The following ARHGAP35 variants were observed in gnomAD, a reference collection of about 807,000 sequenced individuals.
The protein encoded by ARHGAP35 is rho GTPase-activating protein 35.
In ARHGAP35, 15 loss-of-function variants were observed where a neutral mutation model predicts 111.1. That is an observed-to-expected ratio of 0.13 (90% confidence interval 0.09 to 0.21). ARHGAP35 has a LOEUF of 0.21. ARHGAP35 is among the 10% of genes least tolerant of loss of function. ARHGAP35 has a pLI of 1.00. For synonymous variants in ARHGAP35, 643 were observed against 710.3 expected (o/e 0.91, Z 1.51); for missense variants, 1,262 against 1,873.0 (o/e 0.67, Z 6.02).
At chr19:46,892,967 A>T (rs1292997018) in intron 1 of ARHGAP35, among the ~76,000 whole-genome samples, 2 of 152,096 alleles carry the variant, frequency 1.3e-5, no homozygotes, top group Non-Finnish European at 2.9e-5. Flanking sequence ...TAGAGTTCTC[A>T]TCAGCTTATA....
At chr19:46,960,382 G>C (rs1024301027) in intron 3 of ARHGAP35, among the ~76,000 whole-genome samples, 3 of 152,168 alleles carry the variant, frequency 2.0e-5, no homozygotes, top group African/African-American at 7.2e-5. Context: ...CATTCAGGCA[G>C]GAAGCTTATG....
At position 47,002,192 on chromosome 19, in the gene ARHGAP35, T is replaced by C. The variant is rs1444546049; in HGVS notation, c.*1504T>C. ...CAGAGGGCCCCATGCCAGACAGCCC[T>C]TGGGGCTCGTTGCACTTTAAGAAAT... On this transcript the variant is annotated 3_prime_UTR_variant, in exon 7 of 7. Transcript: ENST00000672722. The C allele has an allele frequency of 6.5e-6, 1 of 152,712 alleles. No homozygotes were observed. Among genetic ancestry groups the C allele is most frequent in the Admixed American group, 6.5e-5 (1 of 15,286 alleles). The allele number at this position is 152,712 out of a possible 1,614,324, so 9.5% of individuals were successfully genotyped here.
chr19:46,941,073 C>T (rs975102697), intron 3 of ARHGAP35, among the ~76,000 whole-genome samples: 4 of 152,156 alleles, frequency 2.6e-5, no homozygotes, highest in African/African-American at 9.7e-5. Flanking sequence ...TCTCCCACTC[C>T]CTTCTTTCAC....
intron 1 of ARHGAP35, among the ~76,000 whole-genome samples, chr19:46,911,491 A>T (rs1240372242): frequency 1.3e-5 from 2 of 152,210 alleles, no homozygotes; most frequent in Admixed American, 1.3e-4. Context: ...GATTATGGTA[A>T]TACAAAAATG....
rs181238611 is a variant in ARHGAP35, at chr19:46,895,619, A to G, written c.-188-22869A>G. 4.0e-3 allele frequency among the ~76,000 whole-genome samples: 614 copies of G among 152,354 alleles called. 28 individuals carry two copies. The highest frequency in any genetic ancestry group is 0.037 in the Admixed American group (566 of 15,298). ...GAAAGGCGACCATTTCCCATCAATT[A>G]GAAATGGTCTTTATGGTTAACTCTG... is the stretch of plus-strand genomic sequence containing the variant. On this transcript the variant is annotated intron_variant, in intron 1 of 6. Coordinates refer to ENST00000672722, the MANE Select transcript of ARHGAP35 (RefSeq NM_004491.5).
chr19:46,902,302 T>G (rs746768303), intron 1 of ARHGAP35, among the ~76,000 whole-genome samples: 1 of 152,216 alleles, frequency 6.6e-6, no homozygotes, highest in Non-Finnish European at 1.5e-5. Flanking sequence ...GGCATTCTTA[T>G]GGAATGATAC....
chr19:46,928,248 G>A (rs949712827), intron 2 of ARHGAP35, among the ~76,000 whole-genome samples: 1 of 152,078 alleles, frequency 6.6e-6, no homozygotes. Flanking sequence ...ATTACGATAG[G>A]CAACCCAAAT....
intron 3 of ARHGAP35, among the ~76,000 whole-genome samples, chr19:46,956,632 GA>G (rs1361704187): frequency 6.6e-6 from 1 of 152,022 alleles, no homozygotes; most frequent in Non-Finnish European, 1.5e-5. Context: ...TCCAAATTCT[GA>G]AACACTTCTG....
At chr19:46,874,277 A>G (rs1261400903) in intron 1 of ARHGAP35, among the ~76,000 whole-genome samples, 1 of 152,136 alleles carries the variant, frequency 6.6e-6, no homozygotes, top group Non-Finnish European at 1.5e-5. Flanking sequence ...AACAAAAGCA[A>G]TTCTTCCCTT....
At chr19:46,917,477 G>A (rs1047506598) in intron 1 of ARHGAP35, among the ~76,000 whole-genome samples, 9 of 151,952 alleles carry the variant, frequency 5.9e-5, no homozygotes, top group Admixed American at 3.3e-4. Flanking sequence ...GCACGGTGGC[G>A]CATGCCTGTA....
chr19:46,938,029 G>A (rs993428608), intron 3 of ARHGAP35, among the ~76,000 whole-genome samples: 4 of 152,182 alleles, frequency 2.6e-5, no homozygotes, highest in African/African-American at 9.7e-5. Flanking sequence ...TACTTGTGTT[G>A]AAACCATTTG....
chr19:46,975,238 C>G (rs2056573403), intron 3 of ARHGAP35, among the ~76,000 whole-genome samples: 1 of 152,172 alleles, frequency 6.6e-6, no homozygotes, highest in African/African-American at 2.4e-5. Context: ...CTTTGGGGAA[C>G]TCTGTGCTAG....
In ARHGAP35 at chr19:46,922,390, T is replaced by G; in HGVS notation, c.3681+34T>G. On this transcript the variant is annotated intron_variant, in intron 2 of 6. Transcript: ENST00000672722. This position sits in a 1 kb window ranked among gnomAD's most constrained non-coding sequence, Gnocchi z 4.0. ...CCAGTCTAGGATTAGTCATAGTGTT[T>G]TGTACAGCGTCTCGGTGAGGGTTGA... The G allele has an allele frequency of 6.7e-7, 1 of 1,498,194 alleles. No individual in the cohort carries two copies. 92.8% of individuals were successfully genotyped at this position (1,498,194 alleles called of 1,614,324 possible). A position where few individuals can be genotyped will look rare whatever the true frequency, so the allele number is the denominator to read the frequency against.
intron 1 of ARHGAP35, among the ~76,000 whole-genome samples, chr19:46,882,250 C>G (rs927589702): frequency 6.6e-6 from 1 of 151,272 alleles, no homozygotes. Flanking sequence ...CCCCCCACCT[C>G]AACCCCCCCA....
chr19:46,999,049 G>T lies in ARHGAP35; in HGVS notation c.4037-255G>T. ...TCTCCAGATTGTTCTGTCTTGGGTGGTGGGGGCCAGGAAGCCCCAGGCACA... is the reference window on the plus strand; with the variant it reads ...TCTCCAGATTGTTCTGTCTTGGGTGTTGGGGGCCAGGAAGCCCCAGGCACA... On this transcript the variant is annotated intron_variant, in intron 5 of 6. Coordinates refer to ENST00000672722, the MANE Select transcript of ARHGAP35 (RefSeq NM_004491.5). This position sits in a 1 kb window ranked among gnomAD's most constrained non-coding sequence, Gnocchi z 5.4. 2.0e-6 allele frequency: 1 copy of T among 505,580 alleles called. No homozygotes were observed. The highest frequency in any genetic ancestry group is 3.5e-6 in the Non-Finnish European group (1 of 284,022). 31.3% of individuals were successfully genotyped at this position (505,580 alleles called of 1,614,324 possible). A position where few individuals can be genotyped will look rare whatever the true frequency, so the allele number is the denominator to read the frequency against.
intron 3 of ARHGAP35, among the ~76,000 whole-genome samples, chr19:46,960,656 C>T (rs2056475449): frequency 6.6e-6 from 1 of 152,162 alleles, no homozygotes; most frequent in South Asian, 2.1e-4. Context: ...GTCATTTTCT[C>T]ATTCTCAAAG....
intron 1 of ARHGAP35, among the ~76,000 whole-genome samples, chr19:46,882,102 A>C (rs2055965351): frequency 6.7e-6 from 1 of 149,972 alleles, no homozygotes; most frequent in East Asian, 1.9e-4. Flanking sequence ...GGCTGGTTTG[A>C]TCTTCTGTCT....
chr19:47,001,275 T>G lies in ARHGAP35; in HGVS notation c.*587T>G, dbSNP rs2056747010. On this transcript the variant is annotated 3_prime_UTR_variant, in exon 7 of 7. Coordinates refer to ENST00000672722, the MANE Select transcript of ARHGAP35 (RefSeq NM_004491.5). The surrounding 1 kb of genome is among the most constrained non-coding windows in gnomAD (Gnocchi z 5.4). ...GCAGATCAGAACAACGGAGGATAGC[T>G]TTGTGCCTGGACCCAGAGAGTGTGG... is the stretch of plus-strand genomic sequence containing the variant. 2 of 1,289,924 alleles carry G rather than the reference T, an allele frequency of 1.6e-6. No individual in the cohort carries two copies. Among genetic ancestry groups the G allele is most frequent in the African/African-American group, 3.0e-5 (2 of 65,824 alleles). 79.9% of individuals were successfully genotyped at this position (1,289,924 alleles called of 1,614,324 possible).
intron 2 of ARHGAP35, among the ~76,000 whole-genome samples, chr19:46,930,861 C>T (rs1042324634): frequency 4.0e-5 from 6 of 151,794 alleles, no homozygotes; most frequent in Non-Finnish European, 7.4e-5. Flanking sequence ...GGGCGGGAGA[C>T]GACTTTGGTC....
Sources: gnomAD v4.1 joint callset for allele counts (sites outside exome capture counted in the v4.1 genomes callset) on GRCh38, gnomAD v4.1.1 for gene constraint, Gnocchi (gnomAD v3.1) non-coding constraint, MANE v1.5 for transcripts, NCBI Gene and HGNC (gene_info 2026-07-23, HGNC 2026-07-21) for gene names.